BANF2: variants seen among roughly 807,000 people sequenced by gnomAD.
The protein encoded by BANF2 is BANF family member 2.
Under a neutral mutation model 8.0 loss-of-function variants are expected in BANF2, and 4 were observed. The observed-to-expected ratio is 0.50, with a 90% CI of 0.25 to 1.14. The LOEUF (loss-of-function observed/expected upper bound fraction) is 1.14, where lower values mean the gene tolerates loss of function less well. Ranked by LOEUF, BANF2 falls within the 50% of genes most tolerant of loss-of-function variation. The pLI, the probability that BANF2 is intolerant of heterozygous loss-of-function variation, is 0.16. For missense variants in BANF2, 96 were observed against 107.5 expected (o/e 0.89, Z 0.47); for synonymous variants, 50 against 40.6 (o/e 1.23, Z -0.88).
chr20:17,697,358 G>A (rs921502824), upstream of BANF2, among the ~76,000 whole-genome samples: 2 of 152,180 alleles, frequency 1.3e-5, no homozygotes, highest in African/African-American at 2.4e-5. Flanking sequence ...CTTTGGGCCA[G>A]GTTGCCAGGC....
intron 1 of BANF2, among the ~76,000 whole-genome samples, chr20:17,706,151 G>C (rs2037479013): frequency 2.0e-5 from 3 of 152,234 alleles, no homozygotes; most frequent in Non-Finnish European, 4.4e-5. Flanking sequence ...AGTCAGCACA[G>C]ACAGACACCA....
intron 1 of BANF2, among the ~76,000 whole-genome samples, chr20:17,711,417 G>A (rs1362704508): frequency 1.9e-4 from 29 of 152,254 alleles, no homozygotes; most frequent in Admixed American, 1.8e-3. Flanking sequence ...TCCACACAAT[G>A]TGGTAAGAAC....
intron 1 of BANF2, among the ~76,000 whole-genome samples, chr20:17,707,049 G>T (rs184830635): frequency 6.6e-6 from 1 of 152,272 alleles, no homozygotes; most frequent in Non-Finnish European, 1.5e-5. Context: ...AGATGGGTTT[G>T]CAAGCACTGG....
In BANF2 at chr20:17,735,647, G is replaced by A; in HGVS notation, c.127-18G>A. ...GATAACCTTTCCTGCTTTCCTCCCT[G>A]TCTCATCCCCTCCCCAGGCCTACAT... On this transcript the variant is annotated intron_variant, in intron 3 of 3. Coordinates refer to ENST00000246090, the MANE Select transcript of BANF2 (RefSeq NM_178477.5). 1 of 1,611,620 alleles carries A rather than the reference G, an allele frequency of 6.2e-7. No individual in the cohort carries two copies.
At chr20:17,718,932 CA>C (rs1304167661) in intron 1 of BANF2, among the ~76,000 whole-genome samples, 10 of 152,154 alleles carry the variant, frequency 6.6e-5, no homozygotes, top group African/African-American at 2.4e-4. Context: ...AGAACTTTTA[CA>C]GGACAGGATT....
At chr20:17,700,257 G>A (rs2037387541) in intron 1 of BANF2, among the ~76,000 whole-genome samples, 1 of 152,206 alleles carries the variant, frequency 6.6e-6, no homozygotes, top group Admixed American at 6.5e-5. Context: ...TTCCTGCTGT[G>A]TCACCATCTG....
intron 1 of BANF2, among the ~76,000 whole-genome samples, chr20:17,708,092 C>T (rs916148777): frequency 2.7e-5 from 4 of 148,268 alleles, no homozygotes; most frequent in African/African-American, 9.9e-5. Context: ...CCAGGTGTTG[C>T]GGTGCATGCC....
rs528571944 is a variant in BANF2 at position 17,735,522 on chromosome 20, A to G, written c.127-143A>G. 12 of 965,388 alleles carry G rather than the reference A, an allele frequency of 1.2e-5. No individual in the cohort carries two copies. In the South Asian group the frequency reaches 1.6e-4, roughly 13 times the overall value. 59.8% of individuals were successfully genotyped at this position (965,388 alleles called of 1,614,324 possible). Reference sequence around the variant, plus strand: ...GGCTAAGACCCATGTCAGGGCTTCAAGGACTGACAGGCTCCCTTGAATCGG... The same window carrying G: ...GGCTAAGACCCATGTCAGGGCTTCAGGGACTGACAGGCTCCCTTGAATCGG... On this transcript the variant is annotated intron_variant, in intron 3 of 3. Transcript: ENST00000246090.
chr20:17,695,768 G>A (rs1045824409), upstream of BANF2, among the ~76,000 whole-genome samples: 2 of 152,026 alleles, frequency 1.3e-5, no homozygotes, highest in African/African-American at 4.8e-5. Context: ...AGTAATCATC[G>A]CCATGATAGA....
upstream of BANF2, among the ~76,000 whole-genome samples, chr20:17,696,696 G>A (rs1021338532): frequency 3.3e-5 from 5 of 152,120 alleles, no homozygotes; most frequent in Non-Finnish European, 5.9e-5. Flanking sequence ...CAATGCTCTG[G>A]TACAGTAGGC....
At chr20:17,696,512 G>A (rs1172668499), upstream of BANF2, among the ~76,000 whole-genome samples, 1 of 152,142 alleles carries the variant, frequency 6.6e-6, no homozygotes, top group Non-Finnish European at 1.5e-5. Flanking sequence ...CCATTCTGGT[G>A]GGCATGTAGA....
intron 3 of BANF2, among the ~76,000 whole-genome samples, chr20:17,733,346 A>G (rs909298078): frequency 1.6e-4 from 25 of 152,232 alleles, no homozygotes; most frequent in Non-Finnish European, 2.5e-4. Context: ...CAGGTGGATT[A>G]AAACGTGTCA....
At chr20:17,713,097 A>T (rs948905369) in intron 1 of BANF2, among the ~76,000 whole-genome samples, 3 of 152,012 alleles carry the variant, frequency 2.0e-5, no homozygotes, top group African/African-American at 4.8e-5. Flanking sequence ...CGAAAAAATT[A>T]AAAAATTAGC....
At chr20:17,694,139 G>A (rs1224912425) in intron 1 of BANF2, among the ~76,000 whole-genome samples, 4 of 152,284 alleles carry the variant, frequency 2.6e-5, no homozygotes, top group Admixed American at 2.0e-4. Context: ...GTGCTCCAGG[G>A]GCTGGACATA....
upstream of BANF2, among the ~76,000 whole-genome samples, chr20:17,699,316 A>C (rs997766162): frequency 2.5e-4 from 38 of 152,234 alleles, no homozygotes; most frequent in African/African-American, 8.4e-4. Flanking sequence ...TTTTAGGCTT[A>C]GTAAATATAC....
chr20:17,731,583 A>T (rs1340965792), intron 3 of BANF2: 1 of 151,828 alleles, frequency 6.6e-6, no homozygotes, highest in African/African-American at 2.4e-5. Context: ...TAAAATGAAA[A>T]TGCAAGACCT....
At chr20:17,709,711 A>G (rs2037541175) in intron 1 of BANF2, among the ~76,000 whole-genome samples, 1 of 152,130 alleles carries the variant, frequency 6.6e-6, no homozygotes. Context: ...GCTGAGGCCC[A>G]CTCGGTTTGA....
At chr20:17,724,667 T>C (rs750190006) in intron 2 of BANF2, among the ~76,000 whole-genome samples, 2 of 152,218 alleles carry the variant, frequency 1.3e-5, no homozygotes, top group Non-Finnish European at 2.9e-5. Context: ...AGAAGGTGGG[T>C]TAATTAGCTA....
chr20:17,734,520 A>G (rs1417805681), intron 3 of BANF2, among the ~76,000 whole-genome samples: 1 of 152,186 alleles, frequency 6.6e-6, no homozygotes, highest in Non-Finnish European at 1.5e-5. Context: ...GTTGCCTGAG[A>G]TCACACAGGT....
Sources: allele counts gnomAD v4.1 joint callset (sites outside exome capture counted in the v4.1 genomes callset), GRCh38; gene constraint gnomAD v4.1.1; transcripts MANE v1.5; gene names NCBI Gene and HGNC (gene_info 2026-07-23, HGNC 2026-07-21).